The following CACNB2 variants were observed in gnomAD, a reference collection of about 807,000 sequenced individuals.
CACNB2 encodes calcium voltage-gated channel auxiliary subunit beta 2.
A neutral mutation model predicts 73.3 loss-of-function variants in CACNB2; 42 were observed. That is an observed-to-expected ratio of 0.57 (90% confidence interval 0.45 to 0.74). The LOEUF is 0.74. Among genes scored for constraint, CACNB2 ranks in the 30% least tolerant of loss-of-function variants. The pLI is 0.00. For synonymous variants in CACNB2, 348 were observed against 310.3 expected (o/e 1.12, Z -1.28); for missense variants, 940 against 853.0 (o/e 1.10, Z -1.27).
At chr10:18,390,144 C>A (rs2043401418) in intron 2 of CACNB2, among the ~76,000 whole-genome samples, 4 of 152,048 alleles carry the variant, frequency 2.6e-5, no homozygotes, top group African/African-American at 7.2e-5. Context: ...AGGAAAGAGC[C>A]CAGATTCATT....
At chr10:18,424,564 C>T (rs771061965) in intron 3 of CACNB2, among the ~76,000 whole-genome samples, 11 of 152,276 alleles carry the variant, frequency 7.2e-5, no homozygotes, top group Non-Finnish European at 1.3e-4. Flanking sequence ...CCGAGACCCC[C>T]ACCTCCTACC....
chr10:18,438,564 C>T (rs1230839858), intron 3 of CACNB2, among the ~76,000 whole-genome samples: 2 of 152,174 alleles, frequency 1.3e-5, no homozygotes, highest in East Asian at 1.9e-4. Context: ...CCCTGCGTGC[C>T]GCCAATAGTG....
intron 3 of CACNB2, among the ~76,000 whole-genome samples, chr10:18,468,602 GTTTTA>G (rs920176564): frequency 4.0e-5 from 6 of 151,786 alleles, no homozygotes; most frequent in Non-Finnish European, 8.8e-5. Flanking sequence ...TTTTTGTTTT[GTTTTA>G]TTTTGTTTTG....
rs181881573 is a variant in CACNB2, at chr10:18,293,357, A to G, written c.214-108567A>G. On this transcript the variant is annotated intron_variant, in intron 2 of 13. Transcript: ENST00000324631. ...TTCCCTCCTTATACGGATGGGTCCAAGGGCTAGTTCTGATGTCCAAATGTG... is the reference window on the plus strand; with the variant it reads ...TTCCCTCCTTATACGGATGGGTCCAGGGGCTAGTTCTGATGTCCAAATGTG... Among the ~76,000 whole-genome samples, 1,307 of 152,300 alleles carry G rather than the reference A, an allele frequency of 8.6e-3. 7 individuals carry two copies. The highest frequency in any genetic ancestry group is 0.041 in the Middle Eastern group (12 of 294).
intron 3 of CACNB2, among the ~76,000 whole-genome samples, chr10:18,497,220 A>AAG (rs1269512721): frequency 1.3e-5 from 2 of 151,470 alleles, no homozygotes; most frequent in Non-Finnish European, 2.9e-5. Flanking sequence ...AAAAAAAAAA[A>AAG]AAAAGAAAAG....
At chr10:18,417,407 T>C (rs1252574457) in intron 3 of CACNB2, among the ~76,000 whole-genome samples, 1 of 145,394 alleles carries the variant, frequency 6.9e-6, no homozygotes, top group Admixed American at 7.0e-5. Context: ...TCACTGTTGT[T>C]GCTCAGGCTG....
At chr10:18,264,295 T>C (rs956967438) in intron 2 of CACNB2, among the ~76,000 whole-genome samples, 6 of 152,220 alleles carry the variant, frequency 3.9e-5, no homozygotes, top group Admixed American at 6.5e-5. Context: ...ATCCATCCCA[T>C]CAAGCATTTA....
At chr10:18,421,552 A>C (rs1016226308) in intron 3 of CACNB2, among the ~76,000 whole-genome samples, 1 of 152,110 alleles carries the variant, frequency 6.6e-6, no homozygotes. Flanking sequence ...CACCCACCTC[A>C]ACCTCCCAAA....
At chr10:18,468,488 C>A (rs2048017084) in intron 3 of CACNB2, among the ~76,000 whole-genome samples, 1 of 152,096 alleles carries the variant, frequency 6.6e-6, no homozygotes, top group East Asian at 1.9e-4. Context: ...AACAAACAGA[C>A]AAACAACCTT....
At chr10:18,445,282 T>G (rs776651538) in intron 3 of CACNB2, among the ~76,000 whole-genome samples, 1 of 152,224 alleles carries the variant, frequency 6.6e-6, no homozygotes, top group South Asian at 2.1e-4. Flanking sequence ...AATTACTATG[T>G]CCGATAGTTT....
Position 18,208,912 on chromosome 10 carries a change from G to A in CACNB2, c.213+57937G>A, listed in dbSNP as rs192358719. 3.0e-4 allele frequency among the ~76,000 whole-genome samples: 45 copies of A among 152,284 alleles called. No individual in the cohort carries two copies. In the East Asian group the frequency reaches 7.5e-3, roughly 25 times the overall value. Reference sequence around the variant, plus strand: ...ATACATCCACATATGAACCCAGGGCGATGTTGAGTTCTTCTGGTGGGATTC... The same window carrying A: ...ATACATCCACATATGAACCCAGGGCAATGTTGAGTTCTTCTGGTGGGATTC... On this transcript the variant is annotated intron_variant, in intron 2 of 13. Coordinates refer to ENST00000324631, the MANE Select transcript of CACNB2 (RefSeq NM_201596.3).
intron 2 of CACNB2, among the ~76,000 whole-genome samples, chr10:18,223,088 C>T (rs775243008): frequency 6.6e-6 from 1 of 152,154 alleles, no homozygotes; most frequent in Non-Finnish European, 1.5e-5. Flanking sequence ...TGCTGTCAGT[C>T]ATGGGCATAT....
At chr10:18,194,825 G>A (rs528194585) in intron 2 of CACNB2, among the ~76,000 whole-genome samples, 1 of 152,272 alleles carries the variant, frequency 6.6e-6, no homozygotes, top group African/African-American at 2.4e-5. Context: ...TATGTTTTTA[G>A]CAGTTCCAGT....
chr10:18,202,675 A>C (rs2034933291), intron 2 of CACNB2, among the ~76,000 whole-genome samples: 2 of 152,226 alleles, frequency 1.3e-5, no homozygotes, highest in South Asian at 4.1e-4. Flanking sequence ...TGAATTGAAA[A>C]GGTTGAGCCA....
At chr10:18,154,715 G>A (rs1477162237) in intron 2 of CACNB2, among the ~76,000 whole-genome samples, 5 of 152,192 alleles carry the variant, frequency 3.3e-5, no homozygotes, top group South Asian at 4.1e-4. Flanking sequence ...TGATCCACCC[G>A]CCTCGGCCTC....
At chr10:18,335,784 AACACACACACACACACACACAC>A (rs10545839) in intron 2 of CACNB2, among the ~76,000 whole-genome samples, 1 of 143,974 alleles carries the variant, frequency 6.9e-6, no homozygotes, top group East Asian at 2.1e-4. Context: ...ACAGCAAGAA[AACACACACACACACACACACAC>A]ACACACACAC....
intron 3 of CACNB2, among the ~76,000 whole-genome samples, chr10:18,426,976 A>T (rs2045635427): frequency 4.5e-4 from 4 of 8,984 alleles, no homozygotes; most frequent in South Asian, 9.6e-3. Context: ...TTTTTTTGAG[A>T]CTGAGTTTTG....
At chr10:18,518,534 T>G in intron 8 of CACNB2, 118 bp downstream of exon 8, 1 of 785,550 alleles carries the variant, frequency 1.3e-6, no homozygotes, top group Non-Finnish European at 2.3e-6. Flanking sequence ...CTTTAGAGCT[T>G]AGAGAGCTCA....
At chr10:18,333,579 A>G (rs1424995606) in intron 2 of CACNB2, among the ~76,000 whole-genome samples, 2 of 152,156 alleles carry the variant, frequency 1.3e-5, no homozygotes, top group Non-Finnish European at 2.9e-5. Context: ...TGAGAAAAGC[A>G]TGTGTTGGCT....
Sources: gnomAD v4.1 joint callset for allele counts (sites outside exome capture counted in the v4.1 genomes callset) on GRCh38, gnomAD v4.1.1 for gene constraint, MANE v1.5 for transcripts, NCBI Gene and HGNC (gene_info 2026-07-23, HGNC 2026-07-21) for gene names.